The following AXIN1 variants were observed in gnomAD, a reference collection of about 807,000 sequenced individuals.
AXIN1 encodes the protein axin 1.
In AXIN1, 30 loss-of-function variants were observed where a neutral mutation model predicts 76.4. That is an observed-to-expected ratio of 0.39 (90% CI 0.29 to 0.53). The LOEUF (loss-of-function observed/expected upper bound fraction) is 0.53, where lower values mean the gene tolerates loss of function less well. AXIN1 is among the 20% of genes least tolerant of loss of function. The pLI, the probability that AXIN1 is intolerant of heterozygous loss-of-function variation, is 0.66. For missense variants in AXIN1, 1,140 were observed against 1,198.8 expected (o/e 0.95, Z 0.72); for synonymous variants, 545 against 501.4 (o/e 1.09, Z -1.16).
chr16:298,376 C>T (rs2052777633), intron 5 of AXIN1, 125 bp from the exon 6 acceptor site: 2 of 1,206,140 alleles, frequency 1.7e-6, no homozygotes, highest in Admixed American at 2.0e-5. Context: ...GGCCGGGGGC[C>T]CCTCGCCACC....
intron 9 of AXIN1, 66 bp downstream of exon 9, chr16:291,124 G>T: frequency 6.8e-7 from 1 of 1,467,818 alleles, no homozygotes; most frequent in African/African-American, 1.4e-5. Flanking sequence ...GCTCTACGAT[G>T]GGACCTGGCT....
chr16:332,319 T>C (rs2053707517), intron 2 of AXIN1, among the ~76,000 whole-genome samples: 1 of 151,954 alleles, frequency 6.6e-6, no homozygotes, highest in African/African-American at 2.4e-5. Flanking sequence ...GGCTCACGCC[T>C]GTAATCCCAG....
At chr16:324,037 T>A (rs1325387770) in intron 2 of AXIN1, among the ~76,000 whole-genome samples, 1 of 152,038 alleles carries the variant, frequency 6.6e-6, no homozygotes, top group Non-Finnish European at 1.5e-5. Context: ...GGAAGCCCCG[T>A]AGCCCACAGG....
chr16:330,236 A>AT (rs549652330), intron 2 of AXIN1, among the ~76,000 whole-genome samples: 302 of 150,108 alleles, frequency 2.0e-3, no homozygotes, highest in African/African-American at 7.0e-3. Context: ...CAATTTTTCT[A>AT]TTTTTTTCTA....
intron 3 of AXIN1, among the ~76,000 whole-genome samples, chr16:312,357 A>G (rs376059934): frequency 1.2e-3 from 176 of 152,330 alleles, no homozygotes; most frequent in African/African-American, 4.2e-3. Flanking sequence ...ACCAAGATGA[A>G]CAGAATATCA....
chr16:332,759 A>G (rs1567297692), intron 2 of AXIN1, among the ~76,000 whole-genome samples: 1 of 152,080 alleles, frequency 6.6e-6, no homozygotes, highest in East Asian at 1.9e-4. Context: ...CACAACAAAA[A>G]GAAATGCAAA....
At chr16:344,104 CTAAA>C (rs1199257031) in intron 2 of AXIN1, among the ~76,000 whole-genome samples, 12 of 151,894 alleles carry the variant, frequency 7.9e-5, no homozygotes, top group African/African-American at 2.7e-4. Context: ...AAAATGCTTG[CTAAA>C]TAAATACCAC....
At chr16:326,214 C>T (rs1006726341) in intron 2 of AXIN1, among the ~76,000 whole-genome samples, 2 of 151,014 alleles carry the variant, frequency 1.3e-5, no homozygotes, top group Admixed American at 6.6e-5. Context: ...ATTAGCTGGG[C>T]ATGGCGACAG....
intron 9 of AXIN1, chr16:290,803 A>AG: frequency 2.7e-6 from 1 of 373,730 alleles, no homozygotes; most frequent in Non-Finnish European, 5.2e-6. Context: ...CGGGCACCTC[A>AG]GCACCTGCAG....
chr16:340,772 G>C (rs541819075), intron 2 of AXIN1, among the ~76,000 whole-genome samples: 1 of 152,204 alleles, frequency 6.6e-6, no homozygotes, highest in Non-Finnish European at 1.5e-5. Flanking sequence ...TGGGTGAGTG[G>C]GACAAACACA....
intron 1 of AXIN1, among the ~76,000 whole-genome samples, chr16:351,118 G>T (rs926652019): frequency 1.2e-4 from 17 of 136,678 alleles, no homozygotes; most frequent in African/African-American, 4.7e-4. Context: ...GGCAACAAGA[G>T]CAAAACTCTG....
At position 287,750 on chromosome 16, in the gene AXIN1, C is replaced by G. The variant is rs395545; in HGVS notation, c.*372G>C. 412,155 of 415,462 alleles carry G rather than the reference C, an allele frequency of 0.99. 204,433 individuals are homozygous for G. Among genetic ancestry groups the G allele is most frequent in the East Asian group, 1 (23,798 of 23,798 alleles). The allele number at this position is 415,462 out of a possible 1,614,324, so 25.7% of individuals were successfully genotyped here. On this transcript the variant is annotated 3_prime_UTR_variant, in exon 11 of 11. Coordinates refer to ENST00000262320, the MANE Select transcript of AXIN1 (RefSeq NM_003502.4). Reference sequence around the variant, plus strand: ...CCTCTGCATCCGGGCCTGGGCCCCACCCAGACCTGGGTACGTGGGCAAATC... The same window carrying G: ...CCTCTGCATCCGGGCCTGGGCCCCAGCCAGACCTGGGTACGTGGGCAAATC...
rs2054046554 is a variant in AXIN1, at chr16:346,951, C to T, written c.75G>A (p.Val25=). Residue 25 remains valine (V), a synonymous_variant, in exon 2 of 11, where the codon GTG becomes GTA. Transcript: ENST00000262320. ...SFTEDAPRPP[V]PGEEGELVST... is the part of the protein sequence containing the mutation. Reference sequence around the variant, plus strand: ...ACACCAGTTCTCCCTCCTCACCAGGCACTGGGGGTCGGGGAGCATCTTCGG... The same window carrying T: ...ACACCAGTTCTCCCTCCTCACCAGGTACTGGGGGTCGGGGAGCATCTTCGG... 6.2e-7 allele frequency: 1 copy of T among 1,614,150 alleles called. No homozygotes were observed. The highest frequency in any genetic ancestry group is 8.5e-7 in the Non-Finnish European group (1 of 1,180,060).
intron 2 of AXIN1, among the ~76,000 whole-genome samples, chr16:341,634 C>T (rs1177992119): frequency 2.0e-5 from 3 of 152,338 alleles, no homozygotes; most frequent in East Asian, 1.9e-4. Context: ...TGCGGGCGCA[C>T]GGCACGGGAC....
Position 298,038 on chromosome 16 carries a change from C to T in AXIN1, c.1468G>A (p.Gly490Ser), listed in dbSNP as rs2141513444. ...TGCCCACTGTCCGGGGAGCGATGGCCAGGCCCAGGCGACTGGCGGCCAGGT... is the reference window on the plus strand; with the variant it reads ...TGCCCACTGTCCGGGGAGCGATGGCTAGGCCCAGGCGACTGGCGGCCAGGT... The part of the protein sequence containing the change: ...RTPGRQSPGP[G>S]HRSPDSGHVA... Residue 490 changes from glycine to serine, a missense_variant, in exon 6 of 11, where the codon GGC becomes AGC. Around this residue, in one of 3 missense-constraint regions of AXIN1, gnomAD observed 708 missense variants for 776.9 expected, o/e 0.91. Transcript: ENST00000262320. 6.3e-7 allele frequency: 1 copy of T among 1,587,588 alleles called. No individual in the cohort carries two copies. The highest frequency in any genetic ancestry group is 2.3e-5 in the East Asian group (1 of 43,874).
chr16:328,931 T>C (rs2053635210), intron 2 of AXIN1, among the ~76,000 whole-genome samples: 1 of 152,064 alleles, frequency 6.6e-6, no homozygotes, highest in South Asian at 2.1e-4. Context: ...CACCCTGTCC[T>C]CTCTGCACAA....
At position 304,366 on chromosome 16, in the gene AXIN1, C is replaced by A. The variant is rs750685032; in HGVS notation, c.1192G>T (p.Ala398Ser). Residue 398 changes from alanine to serine, a missense_variant, in exon 5 of 11, where the codon GCT becomes TCT. Ala to Ser is a moderately conservative substitution (Grantham distance 99, BLOSUM62 1). Coordinates refer to ENST00000262320, the MANE Select transcript of AXIN1 (RefSeq NM_003502.4). ...TCGGCCTCCCGCGTGCGCTGCACAG[C>A]CTCCAGGCGGTGGATGAGCTCCTCC... is the stretch of plus-strand genomic sequence containing the variant. ...FAEELIHRLE[A>S]VQRTREAEEK... is the part of the protein sequence containing the mutation. The A allele has an allele frequency of 1.2e-6, 2 of 1,612,672 alleles. No homozygotes were observed.
intron 2 of AXIN1, among the ~76,000 whole-genome samples, chr16:327,715 CA>C (rs1478547561): frequency 6.6e-6 from 1 of 152,248 alleles, no homozygotes; most frequent in African/African-American, 2.4e-5. Context: ...GGCTACTGAC[CA>C]CAGGCAGTCT....
chr16:346,554 G>A lies in AXIN1; in HGVS notation c.472C>T (p.Arg158Trp), dbSNP rs1438600690. The A allele has an allele frequency of 1.7e-5, 27 of 1,613,810 alleles. No individual in the cohort carries two copies. Among genetic ancestry groups the A allele is most frequent in the East Asian group, 2.2e-5 (1 of 44,882 alleles). ...CTCTTGGTGGCTGGCTTGGTCTGCC[G>A]GGACACGATGCCATTGTTATCAAGA... ...YILDNNGIVS[R>W]QTKPATKSFI... Residue 158 changes from arginine to tryptophan, a missense_variant, in exon 2 of 11, where the codon CGG (arginine) becomes TGG (tryptophan). By Grantham distance (101) the Arg-to-Trp change is moderately radical. Coordinates refer to ENST00000262320, the MANE Select transcript of AXIN1 (RefSeq NM_003502.4).
Sources: allele counts gnomAD v4.1 joint callset (sites outside exome capture counted in the v4.1 genomes callset), GRCh38; gene constraint gnomAD v4.1.1; regional missense constraint gnomAD v4.1.1; transcripts MANE v1.5; gene names NCBI Gene and HGNC (gene_info 2026-07-23, HGNC 2026-07-21).